The following SMYD3 variants were observed in gnomAD, a reference collection of about 807,000 sequenced individuals.
SMYD3 encodes SET and MYND domain containing 3.
SMYD3 carries 36 observed loss-of-function variants against 57.7 expected under a neutral mutation model. The observed-to-expected ratio is 0.62, with a 90% CI of 0.48 to 0.82. The LOEUF (loss-of-function observed/expected upper bound fraction) is 0.82, where lower values mean the gene tolerates loss of function less well. Ranked by LOEUF, SMYD3 falls within the 40% of genes least tolerant of loss-of-function variation. The probability of loss-of-function intolerance (pLI) is 0.00; values close to 1 mark genes in which losing one functional copy is unlikely to be tolerated. For missense variants in SMYD3, 515 were observed against 538.8 expected, an observed-to-expected ratio of 0.96 and a Z score of 0.44; for synonymous variants, 211 against 195.0, an observed-to-expected ratio of 1.08 and a Z score of -0.68.
At chr1:246,048,469 T>C (rs1453796406) in intron 5 of SMYD3, among the ~76,000 whole-genome samples, 1 of 152,136 alleles carries the variant, frequency 6.6e-6, no homozygotes, top group Non-Finnish European at 1.5e-5. Context: ...AAAGTAAAAA[T>C]ACTGGGTCCA....
intron 5 of SMYD3, among the ~76,000 whole-genome samples, chr1:245,973,529 T>C (rs1382564880): frequency 6.6e-6 from 1 of 152,234 alleles, no homozygotes; most frequent in Non-Finnish European, 1.5e-5. Context: ...AAGTAGCTTA[T>C]TGTGTACATG....
intron 10 of SMYD3, among the ~76,000 whole-genome samples, chr1:245,764,929 G>A: frequency 6.6e-6 from 1 of 151,832 alleles, no homozygotes; most frequent in East Asian, 1.9e-4. Context: ...TTACCATATT[G>A]GATTTAACCA....
At chr1:246,367,474 A>C (rs1290489012) in intron 1 of SMYD3, among the ~76,000 whole-genome samples, 1 of 152,240 alleles carries the variant, frequency 6.6e-6, no homozygotes, top group Non-Finnish European at 1.5e-5. Flanking sequence ...TTGTCTAAAA[A>C]GTCGATCCAG....
In SMYD3 at chr1:245,927,933, C is replaced by T. The variant is rs769217941; in HGVS notation, c.700G>A (p.Glu234Lys). ...CTGGGAAGCATGAGTTTCCTTACCTCCTCTCCCACCTCGATGTCTCGGACT... is the reference window on the plus strand; with the variant it reads ...CTGGGAAGCATGAGTTTCCTTACCTTCTCTCCCACCTCGATGTCTCGGACT... Reference protein sequence around the residue: ...RAVRDIEVGEELTICYLDMLM... With the variant: ...RAVRDIEVGEKLTICYLDMLM... Residue 234 changes from glutamate (E) to lysine (K), a missense_variant and splice_region_variant, in exon 7 of 12, where the codon GAG becomes AAG. By Grantham distance (56) the Glu-to-Lys change is moderately conservative (BLOSUM62 1). Coordinates refer to ENST00000490107, the MANE Select transcript of SMYD3 (RefSeq NM_001167740.2). 22 of 1,610,308 alleles carry T rather than the reference C, an allele frequency of 1.4e-5. No homozygotes were observed. Among genetic ancestry groups the T allele is most frequent in the Non-Finnish European group, 1.9e-5 (22 of 1,177,932 alleles).
chr1:246,260,444 GTTTT>G (rs199824788), intron 5 of SMYD3, among the ~76,000 whole-genome samples: 16 of 150,848 alleles, frequency 1.1e-4, no homozygotes, highest in African/African-American at 3.4e-4. Flanking sequence ...TGTTGTTGTT[GTTTT>G]TTGTTTGTTT....
At chr1:245,938,009 G>A (rs1469930679) in intron 5 of SMYD3, among the ~76,000 whole-genome samples, 1 of 152,174 alleles carries the variant, frequency 6.6e-6, no homozygotes, top group African/African-American at 2.4e-5. Context: ...ACAGAAAAAC[G>A]TTACACGTGA....
At chr1:246,041,749 A>T (rs932729036) in intron 5 of SMYD3, among the ~76,000 whole-genome samples, 1 of 152,064 alleles carries the variant, frequency 6.6e-6, no homozygotes, top group Middle Eastern at 3.4e-3. Flanking sequence ...AGGGGGTATA[A>T]CCTCTCTTCC....
chr1:245,924,569 G>A (rs1210974495), intron 7 of SMYD3, among the ~76,000 whole-genome samples: 1 of 151,918 alleles, frequency 6.6e-6, no homozygotes, highest in Non-Finnish European at 1.5e-5. Context: ...GCAGTAGACT[G>A]GCTTTCATAT....
At chr1:245,850,650 G>A (rs555875831) in intron 10 of SMYD3, among the ~76,000 whole-genome samples, 82 of 152,330 alleles carry the variant, frequency 5.4e-4, no homozygotes, top group African/African-American at 1.9e-3. Flanking sequence ...GCAGTGAGAA[G>A]TGTTTGCACC....
intron 11 of SMYD3, among the ~76,000 whole-genome samples, chr1:245,753,811 C>G (rs1459722135): frequency 6.6e-6 from 1 of 152,238 alleles, no homozygotes; most frequent in Non-Finnish European, 1.5e-5. Flanking sequence ...CTTCTCCTAC[C>G]ACTCCCATCT....
chr1:245,972,162 A>C (rs2058318137), intron 5 of SMYD3, among the ~76,000 whole-genome samples: 1 of 152,224 alleles, frequency 6.6e-6, no homozygotes, highest in South Asian at 2.1e-4. Flanking sequence ...CTGTCTCCTA[A>C]AAGCAGGCAA....
chr1:245,791,220 T>C (rs2047253301), intron 10 of SMYD3, among the ~76,000 whole-genome samples: 1 of 152,190 alleles, frequency 6.6e-6, no homozygotes, highest in African/African-American at 2.4e-5. Context: ...TATACTAAAC[T>C]ACTCTGGGCA....
intron 5 of SMYD3, among the ~76,000 whole-genome samples, chr1:246,211,483 A>T (rs778740465): frequency 6.6e-6 from 1 of 152,108 alleles, no homozygotes; most frequent in Non-Finnish European, 1.5e-5. Context: ...AAAAATAAAC[A>T]TCTCTCCACT....
intron 1 of SMYD3, among the ~76,000 whole-genome samples, chr1:246,427,634 T>G (rs570310041): frequency 3.2e-4 from 49 of 152,124 alleles, no homozygotes; most frequent in African/African-American, 1.1e-3. Context: ...GAGGCCAAGG[T>G]GGGAGGATCA....
chr1:246,134,767 A>G (rs1183322316), intron 5 of SMYD3, among the ~76,000 whole-genome samples: 1 of 151,120 alleles, frequency 6.6e-6, no homozygotes, highest in African/African-American at 2.4e-5. Flanking sequence ...CTACACCTAT[A>G]TGCAACTGAA....
chr1:246,155,974 G>A (rs1204642984), intron 5 of SMYD3, among the ~76,000 whole-genome samples: 4 of 150,922 alleles, frequency 2.7e-5, no homozygotes, highest in African/African-American at 4.9e-5. Context: ...GTGACAGAGC[G>A]AGACTATGTC....
At chr1:245,928,307 T>C (rs2056514485) in intron 6 of SMYD3, among the ~76,000 whole-genome samples, 1 of 152,128 alleles carries the variant, frequency 6.6e-6, no homozygotes, top group Admixed American at 6.5e-5. Context: ...GATTGGGGCA[T>C]AGTTGACTGA....
chr1:246,339,232 C>T (rs1317757332), intron 2 of SMYD3, among the ~76,000 whole-genome samples: 1 of 152,088 alleles, frequency 6.6e-6, no homozygotes, highest in Non-Finnish European at 1.5e-5. Flanking sequence ...GCTTCTGACC[C>T]GCATCTCTAC....
intron 1 of SMYD3, among the ~76,000 whole-genome samples, chr1:246,431,561 C>G (rs1269811324): frequency 6.6e-6 from 1 of 152,140 alleles, no homozygotes; most frequent in East Asian, 1.9e-4. Context: ...GAAACCCTAT[C>G]TCTACTAAAA....
Sources: gnomAD v4.1 joint callset for allele counts (sites outside exome capture counted in the v4.1 genomes callset) on GRCh38, gnomAD v4.1.1 for gene constraint, MANE v1.5 for transcripts, NCBI Gene and HGNC (gene_info 2026-07-23, HGNC 2026-07-21) for gene names.